The following CA10 variants were observed in gnomAD, a reference collection of about 807,000 sequenced individuals.
CA10 encodes carbonic anhydrase-related protein 10.
In CA10, 14 loss-of-function variants were observed where a neutral mutation model predicts 44.2. The ratio of observed to expected loss-of-function variants is 0.32; its 90% CI spans 0.21 to 0.50. CA10 has a LOEUF of 0.50. CA10 is among the 20% of genes least tolerant of loss of function. The probability of loss-of-function intolerance (pLI) is 0.99; values close to 1 mark genes in which losing one functional copy is unlikely to be tolerated. For missense variants in CA10, 350 were observed against 409.7 expected (o/e 0.85, Z 1.26); for synonymous variants, 159 against 141.6 (o/e 1.12, Z -0.87).
Position 51,717,648 on chromosome 17 carries a change from C to CATATATGT in CA10, c.465+29984_465+29985insACATATAT, listed in dbSNP as rs1567815189. 8.7e-4 allele frequency among the ~76,000 whole-genome samples: 22 copies of CATATATGT among 25,212 alleles called. 3 individuals are homozygous for CATATATGT. The highest frequency in any genetic ancestry group is 1.9e-3 in the African/African-American group (20 of 10,346). 16.5% of individuals were successfully genotyped at this position (25,212 alleles called of 152,430 possible). A position where few individuals can be genotyped will look rare whatever the true frequency, so the allele number is the denominator to read the frequency against. On this transcript the variant is annotated intron_variant, in intron 4 of 8. Coordinates refer to ENST00000451037, the MANE Select transcript of CA10 (RefSeq NM_020178.5). ...ATGCACATATATGCATGTATATATA[C>CATATATGT]ATATATACGTATATATACATGTATA...
chr17:51,655,360 T>C (rs1390056981), intron 4 of CA10, among the ~76,000 whole-genome samples: 2 of 152,220 alleles, frequency 1.3e-5, no homozygotes, highest in African/African-American at 4.8e-5. Context: ...TCCAATAAGA[T>C]AGTGCATGTA....
intron 2 of CA10, among the ~76,000 whole-genome samples, chr17:51,933,809 C>G (rs1982756176): frequency 6.6e-6 from 1 of 152,080 alleles, no homozygotes; most frequent in Non-Finnish European, 1.5e-5. Context: ...AAAATAATTC[C>G]AAGCCCATAA....
At chr17:51,834,911 G>A (rs1262359559) in intron 3 of CA10, among the ~76,000 whole-genome samples, 1 of 152,206 alleles carries the variant, frequency 6.6e-6, no homozygotes, top group South Asian at 2.1e-4. Flanking sequence ...CAGAGGATCA[G>A]TATGACAATT....
At chr17:51,958,567 T>G (rs1019136641) in intron 2 of CA10, among the ~76,000 whole-genome samples, 3 of 152,160 alleles carry the variant, frequency 2.0e-5, no homozygotes, top group Non-Finnish European at 4.4e-5. Context: ...AAGTGTATTA[T>G]TTTTTCCTCA....
intron 3 of CA10, among the ~76,000 whole-genome samples, chr17:51,917,231 G>A (rs1982038032): frequency 8.2e-6 from 1 of 122,188 alleles, no homozygotes; most frequent in Non-Finnish European, 2.0e-5. Flanking sequence ...CCAATGTGGA[G>A]GTGGGAATAG....
chr17:51,729,274 A>G (rs1015603835), intron 4 of CA10, among the ~76,000 whole-genome samples: 1 of 152,130 alleles, frequency 6.6e-6, no homozygotes, highest in African/African-American at 2.4e-5. Context: ...TTTTACGCTC[A>G]TGGTCATCTC....
At chr17:51,734,824 GA>G (rs1211600509) in intron 4 of CA10, among the ~76,000 whole-genome samples, 1 of 152,158 alleles carries the variant, frequency 6.6e-6, no homozygotes, top group Non-Finnish European at 1.5e-5. Flanking sequence ...AATTTATAAA[GA>G]GCAGAAATTT....
intron 4 of CA10, among the ~76,000 whole-genome samples, chr17:51,663,217 T>TTC (rs527579803): frequency 0.85 from 120,765 of 141,444 alleles, 50,053 homozygotes; most frequent in East Asian, 0.94. Flanking sequence ...TTCCCGGAAC[T>TTC]TGGAATGCGT....
intron 1 of CA10, among the ~76,000 whole-genome samples, chr17:52,128,938 A>G (rs948985788): frequency 6.6e-6 from 1 of 152,180 alleles, no homozygotes; most frequent in African/African-American, 2.4e-5. Context: ...CACCCTACCC[A>G]TGACTAAGGC....
chr17:51,892,374 T>G (rs1980895286), intron 3 of CA10, among the ~76,000 whole-genome samples: 1 of 152,208 alleles, frequency 6.6e-6, no homozygotes. Flanking sequence ...CAATTCTGCT[T>G]TAATTATGTA....
At chr17:52,008,655 A>G (rs1294016308) in intron 2 of CA10, among the ~76,000 whole-genome samples, 6 of 151,574 alleles carry the variant, frequency 4.0e-5, no homozygotes, top group Admixed American at 3.9e-4. Context: ...TCTTTTACTT[A>G]GGAAACTTTG....
intron 3 of CA10, among the ~76,000 whole-genome samples, chr17:51,878,422 C>T (rs1980186697): frequency 6.6e-6 from 1 of 152,148 alleles, no homozygotes; most frequent in Admixed American, 6.5e-5. Flanking sequence ...ATTACCCCAG[C>T]TATTTAGAGA....
chr17:52,108,563 G>T (rs1988719853), intron 1 of CA10, among the ~76,000 whole-genome samples: 2 of 151,832 alleles, frequency 1.3e-5, no homozygotes, highest in South Asian at 4.2e-4. Flanking sequence ...AGCTGGGCGT[G>T]GTGGTGTGTG....
chr17:51,671,712 G>C (rs889185547), intron 4 of CA10, among the ~76,000 whole-genome samples: 6 of 152,174 alleles, frequency 3.9e-5, no homozygotes, highest in Non-Finnish European at 8.8e-5. Flanking sequence ...CCACATTTGG[G>C]TCTTTATCCA....
chr17:51,833,071 G>T (rs1342145323), intron 3 of CA10, among the ~76,000 whole-genome samples: 1 of 152,154 alleles, frequency 6.6e-6, no homozygotes, highest in Non-Finnish European at 1.5e-5. Context: ...CCAGCTGAGA[G>T]GGGTGCTGAA....
chr17:52,052,291 T>TTC (rs1987097103), intron 2 of CA10, among the ~76,000 whole-genome samples: 1 of 8,506 alleles, frequency 1.2e-4, no homozygotes, highest in African/African-American at 3.0e-4. Flanking sequence ...TTAAAAGGCT[T>TTC]TTTTTTTTAA....
intron 3 of CA10, among the ~76,000 whole-genome samples, chr17:51,781,312 G>A (rs956437559): frequency 3.3e-5 from 5 of 152,212 alleles, no homozygotes; most frequent in Non-Finnish European, 7.3e-5. Flanking sequence ...TTTACTGAGT[G>A]TTGTAAAATG....
chr17:51,940,093 G>T (rs1983020094), intron 2 of CA10, among the ~76,000 whole-genome samples: 1 of 151,924 alleles, frequency 6.6e-6, no homozygotes, highest in African/African-American at 2.4e-5. Flanking sequence ...TGAGACAGGG[G>T]TCTAATATTT....
intron 2 of CA10, among the ~76,000 whole-genome samples, chr17:51,934,774 TA>T (rs981707428): frequency 6.6e-6 from 1 of 152,078 alleles, no homozygotes; most frequent in African/African-American, 2.4e-5. Flanking sequence ...TTAGTGCAGA[TA>T]AAAATGAGAA....
Sources: allele counts gnomAD v4.1 joint callset (sites outside exome capture counted in the v4.1 genomes callset), GRCh38; gene constraint gnomAD v4.1.1; transcripts MANE v1.5; gene names NCBI Gene and HGNC (gene_info 2026-07-23, HGNC 2026-07-21).